The following GPR137 variants were observed in gnomAD, a reference collection of about 807,000 sequenced individuals.
GPR137 encodes integral membrane protein GPR137.
A neutral mutation model predicts 38.9 loss-of-function variants in GPR137; 20 were observed. The observed-to-expected ratio is 0.51, with a 90% CI of 0.36 to 0.75. GPR137 has a LOEUF of 0.75. GPR137 is among the 30% of genes least tolerant of loss of function. The pLI, the probability that GPR137 is intolerant of heterozygous loss-of-function variation, is 0.00. For missense variants in GPR137, 456 were observed against 526.4 expected, an observed-to-expected ratio of 0.87 and a Z score of 1.31; for synonymous variants, 226 against 235.8, an observed-to-expected ratio of 0.96 and a Z score of 0.38.
chr11:64,271,526 C>T (rs1370909042), upstream of GPR137: 3 of 1,298,236 alleles, frequency 2.3e-6, no homozygotes, highest in East Asian at 3.1e-5. Flanking sequence ...ACTCCAGATC[C>T]GGGCGTGCCT....
At chr11:64,271,764 T>A, upstream of GPR137, 1 of 1,397,460 alleles carries the variant, frequency 7.2e-7, no homozygotes, top group Non-Finnish European at 9.3e-7. Flanking sequence ...CCCCGCGGGG[T>A]AGGAGCTGTG....
At chr11:64,277,301 G>A (rs1435881257) in intron 2 of GPR137, among the ~76,000 whole-genome samples, 2 of 152,184 alleles carry the variant, frequency 1.3e-5, no homozygotes, top group East Asian at 1.9e-4. Context: ...CAGCCTGTCC[G>A]CCTCCGGCAC....
upstream of GPR137, chr11:64,270,771 G>C: frequency 2.3e-6 from 1 of 438,314 alleles, no homozygotes; most frequent in South Asian, 1.6e-5. Context: ...CTCCAGCCTG[G>C]GCGACAGAGC....
intron 2 of GPR137, among the ~76,000 whole-genome samples, chr11:64,278,118 G>T (rs1013359391): frequency 6.6e-6 from 1 of 152,022 alleles, no homozygotes; most frequent in African/African-American, 2.4e-5. Context: ...AAAGACCCTT[G>T]TCTCTACAAA....
upstream of GPR137, chr11:64,271,525 C>G (rs1463510124): frequency 2.3e-6 from 3 of 1,297,550 alleles, no homozygotes; most frequent in African/African-American, 1.5e-5. Context: ...GACTCCAGAT[C>G]CGGGCGTGCC....
upstream of GPR137, among the ~76,000 whole-genome samples, chr11:64,283,880 C>CT (rs1026544657): frequency 5.3e-5 from 8 of 152,328 alleles, no homozygotes; most frequent in African/African-American, 1.9e-4. Flanking sequence ...AGCGATCCTC[C>CT]TGCCTTGGCC....
In GPR137 at chr11:64,286,034, C is replaced by G; in HGVS notation, c.-491C>G. On this transcript the variant is annotated 5_prime_UTR_variant, in exon 1 of 7. Transcript: ENST00000438980. ...CGAGGACAGGAGGCAGAGGCCCTCC[C>G]CATCCGCATTATTGGAGGAGAGAGA... 1.0e-6 allele frequency: 1 copy of G among 986,446 alleles called. No individual in the cohort carries two copies. The allele number at this position is 986,446 out of a possible 1,614,324, so 61.1% of individuals were successfully genotyped here. A position where few individuals can be genotyped will look rare whatever the true frequency, so the allele number is the denominator to read the frequency against.
At chr11:64,276,331 TA>T (rs1195187187) in intron 1 of GPR137, 84 of 152,034 alleles carry the variant, frequency 5.5e-4, no homozygotes, top group African/African-American at 1.9e-3. Flanking sequence ...TATATATATG[TA>T]TTTTTTTTTT....
upstream of GPR137, chr11:64,284,603 G>A (rs1244759351): frequency 6.7e-7 from 1 of 1,497,800 alleles, no homozygotes; most frequent in East Asian, 2.5e-5. Context: ...GCCCCGCCCC[G>A]CCCGTGGTGA....
chr11:64,278,568 A>T (rs557713940), intron 2 of GPR137, among the ~76,000 whole-genome samples: 17 of 152,256 alleles, frequency 1.1e-4, no homozygotes, highest in Non-Finnish European at 1.2e-4. Context: ...TTTACAGATG[A>T]GGAAACTCAG....
Position 64,277,175 on chromosome 11 carries a change from G to A in GPR137, c.-16+754G>A. 5 of 593,008 alleles carry A rather than the reference G, an allele frequency of 8.4e-6. No individual in the cohort carries two copies. In the South Asian group the frequency reaches 9.8e-5, roughly 12 times the overall value. The allele number at this position is 593,008 out of a possible 1,614,324, so 36.7% of individuals were successfully genotyped here. A position where few individuals can be genotyped will look rare whatever the true frequency, so the allele number is the denominator to read the frequency against. ...AAGCTCTGCCATCAGGCAAGGGCTG[G>A]GTTTGGATCCTGCCCCTACCACATG... On this transcript the variant is annotated intron_variant, in intron 2 of 2. Coordinates refer to the GPR137 transcript ENST00000538244.
chr11:64,278,533 C>T (rs920407822), intron 2 of GPR137, among the ~76,000 whole-genome samples: 7 of 152,114 alleles, frequency 4.6e-5, no homozygotes, highest in South Asian at 2.1e-4. Context: ...CACAGCCCTG[C>T]GAGGTGGGAC....
chr11:64,288,074 G>A lies in GPR137; in HGVS notation c.643G>A (p.Val215Met). ...SIYLEAKGTS[V>M]CQAAAMGGAM... ...TTGTTACCTGTGCCAGGGGACCAGT[G>A]TGTGCCAGGCGGCCGCGATGGGTGG... The change falls in exon 4 of 7, where the codon GTG (valine) becomes ATG (methionine). Residue 215 changes from valine (V) to methionine (M), a missense_variant. Transcript: ENST00000438980. This position sits in a 1 kb window ranked among gnomAD's most constrained non-coding sequence, Gnocchi z 5.5. The A allele has an allele frequency of 6.2e-7, 1 of 1,610,738 alleles. No homozygotes were observed. Among genetic ancestry groups the A allele is most frequent in the Non-Finnish European group, 8.5e-7 (1 of 1,179,950 alleles).
At chr11:64,284,391 TG>T, upstream of GPR137, 2 of 1,611,984 alleles carry the variant, frequency 1.2e-6, no homozygotes, top group Non-Finnish European at 1.7e-6. Flanking sequence ...GAGGACAAGA[TG>T]TTACGTAGTC....
intron 2 of GPR137, among the ~76,000 whole-genome samples, chr11:64,278,364 GA>G (rs900551717): frequency 1.4e-5 from 2 of 145,552 alleles, no homozygotes; most frequent in East Asian, 2.0e-4. Context: ...CTCCATCTTG[GA>G]AAAAAAAATT....
At chr11:64,273,855 C>CAAAAAAAAAAAAAAAAAAAAAAAAAA (rs34577596), upstream of GPR137, among the ~76,000 whole-genome samples, 1 of 54,820 alleles carries the variant, frequency 1.8e-5, no homozygotes, top group African/African-American at 7.5e-5. Flanking sequence ...GCACCCATCT[C>CAAAAAAAAAAAAAAAAAAAAAAAAAA]AAAAAAAAAA....
Position 64,289,352 on chromosome 11 carries a change from T to C in GPR137, c.*156T>C, listed in dbSNP as rs780783559. 1.9e-6 allele frequency: 3 copies of C among 1,592,638 alleles called. No homozygotes were observed. In the South Asian group the frequency reaches 3.4e-5, roughly 18 times the overall value. ...TGCTGCTCCTGTCATAGTGAGCTTG[T>C]GCCGTCCCCCTAGGATGGGGGGCAT... On this transcript the variant is annotated 3_prime_UTR_variant, in exon 7 of 7. Coordinates refer to ENST00000438980, the MANE Select transcript of GPR137 (RefSeq NM_001170880.2).
chr11:64,283,144 G>A (rs941674300), upstream of GPR137, among the ~76,000 whole-genome samples: 14 of 152,214 alleles, frequency 9.2e-5, no homozygotes, highest in African/African-American at 2.7e-4. Flanking sequence ...GTAAGAGAGC[G>A]AGGGGAAAGA....
At chr11:64,270,975 G>GACACAC (rs60182778), upstream of GPR137, among the ~76,000 whole-genome samples, 1 of 14,598 alleles carries the variant, frequency 6.9e-5, no homozygotes, top group African/African-American at 1.8e-4. Flanking sequence ...CATGCCCTGT[G>GACACAC]ACACACACAC....
Sources: gnomAD v4.1 joint callset for allele counts (sites outside exome capture counted in the v4.1 genomes callset) on GRCh38, gnomAD v4.1.1 for gene constraint, Gnocchi (gnomAD v3.1) non-coding constraint, MANE v1.5 for transcripts, NCBI Gene and HGNC (gene_info 2026-07-23, HGNC 2026-07-21) for gene names.